PLCB4: variants seen among roughly 807,000 people sequenced by gnomAD.
PLCB4 encodes the protein phospholipase C beta 4.
A neutral mutation model predicts 178.8 loss-of-function variants in PLCB4; 77 were observed. The observed-to-expected ratio is 0.43, with a 90% CI of 0.36 to 0.52. The LOEUF (loss-of-function observed/expected upper bound fraction) is 0.52, where lower values mean the gene tolerates loss of function less well. Ranked by LOEUF, PLCB4 falls within the 20% of genes least tolerant of loss-of-function variation. The pLI is 0.00. For synonymous variants in PLCB4, 496 were observed against 490.8 expected (o/e 1.01, Z -0.14); for missense variants, 1,024 against 1,453.4 (o/e 0.70, Z 4.80).
intron 3 of PLCB4, among the ~76,000 whole-genome samples, chr20:9,246,680 G>T (rs1177346762): frequency 6.6e-6 from 1 of 151,914 alleles, no homozygotes; most frequent in Non-Finnish European, 1.5e-5. Flanking sequence ...GCTATCTGCT[G>T]CATGATGAGT....
intron 2 of PLCB4, among the ~76,000 whole-genome samples, chr20:9,101,480 A>G (rs1367034702): frequency 6.6e-6 from 1 of 152,134 alleles, no homozygotes; most frequent in Non-Finnish European, 1.5e-5. Context: ...ACTCTATACA[A>G]TGAAAGATGG....
chr20:9,228,404 T>C (rs2093892380), intron 3 of PLCB4, among the ~76,000 whole-genome samples: 1 of 152,094 alleles, frequency 6.6e-6, no homozygotes, highest in African/African-American at 2.4e-5. Context: ...CCTTTTTGAG[T>C]AGAGGAGACT....
intron 35 of PLCB4, among the ~76,000 whole-genome samples, chr20:9,462,968 G>T (rs1306653182): frequency 6.6e-6 from 1 of 152,170 alleles, no homozygotes; most frequent in Non-Finnish European, 1.5e-5. Context: ...ATAATTGTCA[G>T]ATTCACCAAG....
At position 9,129,847 on chromosome 20, in the gene PLCB4, C is replaced by A. The variant is rs2092227787; in HGVS notation, c.-79+33505C>A. On this transcript the variant is annotated intron_variant, in intron 2 of 39. Transcript: ENST00000378473. ...TTAATTACCATACATGGAGCTGGATCCCGAAGAAAGAAGAAAAACAGCTCT... is the reference window on the plus strand; with the variant it reads ...TTAATTACCATACATGGAGCTGGATACCGAAGAAAGAAGAAAAACAGCTCT... Among the ~76,000 whole-genome samples, 3 of 152,222 alleles carry A rather than the reference C, an allele frequency of 2.0e-5. No individual in the cohort carries two copies. The South Asian group carries it at 6.2e-4, about 32-fold the overall frequency.
At chr20:9,462,744 C>T (rs1421523522) in intron 35 of PLCB4, among the ~76,000 whole-genome samples, 1 of 152,108 alleles carries the variant, frequency 6.6e-6, no homozygotes, top group Non-Finnish European at 1.5e-5. Flanking sequence ...AGGAACAAAG[C>T]CTCCAAGAAA....
At chr20:9,213,758 G>A (rs2093698953) in intron 2 of PLCB4, among the ~76,000 whole-genome samples, 1 of 152,246 alleles carries the variant, frequency 6.6e-6, no homozygotes, top group Non-Finnish European at 1.5e-5. Flanking sequence ...CAAAGCAGCA[G>A]CATCATTTTA....
chr20:9,331,173 T>C (rs150205145), intron 4 of PLCB4, among the ~76,000 whole-genome samples: 50 of 152,334 alleles, frequency 3.3e-4, no homozygotes, highest in African/African-American at 1.2e-3. Flanking sequence ...CTGCCACCTC[T>C]TCTGAAGGTT....
At chr20:9,365,025 T>A (rs2035654389) in intron 8 of PLCB4, among the ~76,000 whole-genome samples, 1 of 152,150 alleles carries the variant, frequency 6.6e-6, no homozygotes, top group Non-Finnish European at 1.5e-5. Context: ...TCCCACCACC[T>A]TAATATATTA....
chr20:9,136,972 A>G (rs918947058), intron 2 of PLCB4, among the ~76,000 whole-genome samples: 2 of 151,948 alleles, frequency 1.3e-5, no homozygotes, highest in African/African-American at 4.8e-5. Context: ...GACTGGAGGG[A>G]GGAGAACTGT....
chr20:9,260,256 A>G (rs1054627600), intron 3 of PLCB4, among the ~76,000 whole-genome samples: 1 of 152,160 alleles, frequency 6.6e-6, no homozygotes, highest in African/African-American at 2.4e-5. Context: ...TAAATAAAAT[A>G]CCATAGACTT....
chr20:9,147,521 G>T (rs767215216), intron 2 of PLCB4, among the ~76,000 whole-genome samples: 17 of 152,090 alleles, frequency 1.1e-4, no homozygotes, highest in Non-Finnish European at 2.2e-4. Flanking sequence ...TCTGTGCTCA[G>T]CTATGGGTTG....
At chr20:9,270,387 C>A (rs1307131589) in intron 3 of PLCB4, among the ~76,000 whole-genome samples, 1 of 152,114 alleles carries the variant, frequency 6.6e-6, no homozygotes, top group East Asian at 1.9e-4. Flanking sequence ...TTCTCCATCA[C>A]TACTAGCTTT....
chr20:9,386,403 CA>C (rs2037665807), intron 14 of PLCB4, among the ~76,000 whole-genome samples: 2 of 151,642 alleles, frequency 1.3e-5, no homozygotes, highest in Admixed American at 1.3e-4. Flanking sequence ...TAAAATATGG[CA>C]AAAATGATGA....
intron 25 of PLCB4, among the ~76,000 whole-genome samples, chr20:9,417,754 T>C (rs1478987817): frequency 6.6e-6 from 1 of 152,198 alleles, no homozygotes; most frequent in Non-Finnish European, 1.5e-5. Flanking sequence ...TAACTCTATG[T>C]TTAACTCTTT....
intron 7 of PLCB4, among the ~76,000 whole-genome samples, chr20:9,360,265 G>A (rs886693153): frequency 6.6e-6 from 1 of 152,192 alleles, no homozygotes; most frequent in Non-Finnish European, 1.5e-5. Flanking sequence ...TAAAGCATGG[G>A]CCCTGTCACT....
intron 19 of PLCB4, among the ~76,000 whole-genome samples, chr20:9,396,896 T>C (rs1023724303): frequency 2.6e-5 from 4 of 152,216 alleles, no homozygotes; most frequent in Non-Finnish European, 5.9e-5. Context: ...TTGAAATCTT[T>C]TTGTGGAGGG....
intron 3 of PLCB4, among the ~76,000 whole-genome samples, chr20:9,277,593 A>C (rs2094460979): frequency 1.3e-5 from 2 of 151,994 alleles, no homozygotes; most frequent in Non-Finnish European, 2.9e-5. Flanking sequence ...CAAAACGGTA[A>C]CTGCTGGTTA....
At chr20:9,447,501 G>T (rs2042487019) in intron 32 of PLCB4, among the ~76,000 whole-genome samples, 1 of 152,146 alleles carries the variant, frequency 6.6e-6, no homozygotes, top group African/African-American at 2.4e-5. Flanking sequence ...GTTTCTTGTG[G>T]CCCCAGCTCA....
At chr20:9,108,698 A>T (rs2091460281) in intron 2 of PLCB4, among the ~76,000 whole-genome samples, 1 of 152,060 alleles carries the variant, frequency 6.6e-6, no homozygotes, top group Admixed American at 6.6e-5. Flanking sequence ...TATAGCAGCC[A>T]AAAAAGAAAG....
Sources: gnomAD v4.1 joint callset for allele counts (sites outside exome capture counted in the v4.1 genomes callset) on GRCh38, gnomAD v4.1.1 for gene constraint, MANE v1.5 for transcripts, NCBI Gene and HGNC (gene_info 2026-07-23, HGNC 2026-07-21) for gene names.